The following SAMMSON variants were observed in gnomAD, a reference collection of about 807,000 sequenced individuals.
The protein encoded by SAMMSON is survival associated mitochondrial melanoma specific oncogenic non-coding RNA.
intron 4 of SAMMSON, among the ~76,000 whole-genome samples, chr3:70,198,232 G>A (rs1013828170): frequency 1.3e-5 from 2 of 152,042 alleles, no homozygotes; most frequent in African/African-American, 2.4e-5. Context: ...TCCTCTAGAT[G>A]GGCTTATCAA....
At chr3:70,036,441 T>C (rs530681202) in intron 3 of SAMMSON, among the ~76,000 whole-genome samples, 2 of 152,284 alleles carry the variant, frequency 1.3e-5, no homozygotes, top group East Asian at 3.9e-4. Flanking sequence ...ATGAAGGCTT[T>C]TGTTCTCATT....
chr3:70,066,522 C>T (rs2067210957), intron 3 of SAMMSON, among the ~76,000 whole-genome samples: 1 of 152,056 alleles, frequency 6.6e-6, no homozygotes, highest in Non-Finnish European at 1.5e-5. Flanking sequence ...TGCTAATATT[C>T]CATCCTGCTC....
chr3:70,068,547 G>A (rs2067218566), intron 3 of SAMMSON: 1 of 152,050 alleles, frequency 6.6e-6, no homozygotes, highest in Non-Finnish European at 1.5e-5. Flanking sequence ...TACCAAAATT[G>A]TACATAACTT....
chr3:70,374,547 G>A (rs772568216), intron 9 of SAMMSON, among the ~76,000 whole-genome samples: 48 of 152,104 alleles, frequency 3.2e-4, no homozygotes, highest in Admixed American at 2.6e-4. Context: ...GGTGGGAGTG[G>A]CATTTTTGGT....
intron 2 of SAMMSON, among the ~76,000 whole-genome samples, chr3:70,419,391 T>C (rs1021462818): frequency 6.6e-6 from 1 of 152,082 alleles, no homozygotes. Flanking sequence ...ATGTTATGCA[T>C]GGGGGGAAGA....
chr3:70,250,632 C>CA (rs1257752340), intron 6 of SAMMSON, among the ~76,000 whole-genome samples: 1 of 152,154 alleles, frequency 6.6e-6, no homozygotes, highest in East Asian at 1.9e-4. Flanking sequence ...TGTGTAATTT[C>CA]AAATTACGCT....
At chr3:70,300,338 A>G (rs1428274337) in intron 7 of SAMMSON, among the ~76,000 whole-genome samples, 2 of 152,058 alleles carry the variant, frequency 1.3e-5, no homozygotes, top group Non-Finnish European at 2.9e-5. Flanking sequence ...TTCTCTTACA[A>G]CATTATACAG....
chr3:70,366,492 G>GTTTTTTTTTTTTTTTTTTTTTTTTGT, intron 9 of SAMMSON, among the ~76,000 whole-genome samples: 1 of 100,760 alleles, frequency 9.9e-6, no homozygotes, highest in African/African-American at 3.6e-5. Flanking sequence ...GTGTTTTTAT[G>GTTTTTTTTTTTTTTTTTTTTTTTTGT]TTTTTTTTTT....
intron 2 of SAMMSON, among the ~76,000 whole-genome samples, chr3:70,423,977 G>A (rs1559586708): frequency 6.6e-6 from 1 of 152,196 alleles, no homozygotes; most frequent in Non-Finnish European, 1.5e-5. Flanking sequence ...TTGGTCTATT[G>A]TCTAGGTGAT....
At chr3:70,165,696 G>T (rs1431807417) in intron 4 of SAMMSON, among the ~76,000 whole-genome samples, 1 of 151,912 alleles carries the variant, frequency 6.6e-6, no homozygotes, top group Non-Finnish European at 1.5e-5. Flanking sequence ...TTTCTACCAA[G>T]GATCAGAAGT....
At chr3:70,023,577 T>G (rs1405899789) in intron 3 of SAMMSON, among the ~76,000 whole-genome samples, 2 of 152,152 alleles carry the variant, frequency 1.3e-5, no homozygotes, top group African/African-American at 4.8e-5. Context: ...CTGTTCAAAA[T>G]TAACATCTGG....
At chr3:70,417,791 T>A (rs760532960) in intron 2 of SAMMSON, among the ~76,000 whole-genome samples, 6 of 152,122 alleles carry the variant, frequency 3.9e-5, no homozygotes, top group Non-Finnish European at 8.8e-5. Flanking sequence ...TCTGATTGGC[T>A]CTTCTTGATC....
At chr3:70,400,401 T>G (rs2106762577) in intron 2 of SAMMSON, among the ~76,000 whole-genome samples, 1 of 152,166 alleles carries the variant, frequency 6.6e-6, no homozygotes, top group African/African-American at 2.4e-5. Flanking sequence ...AAAGATCTGG[T>G]TTCGTTGGGT....
At chr3:70,129,951 C>G (rs568977326) in intron 4 of SAMMSON, among the ~76,000 whole-genome samples, 1 of 152,126 alleles carries the variant, frequency 6.6e-6, no homozygotes, top group Non-Finnish European at 1.5e-5. Context: ...TTACTATACT[C>G]GAGCAAATTA....
chr3:70,426,332 A>T (rs1429216511), intron 2 of SAMMSON, among the ~76,000 whole-genome samples: 1 of 152,240 alleles, frequency 6.6e-6, no homozygotes, highest in Non-Finnish European at 1.5e-5. Context: ...TTCATTAGAA[A>T]CAATAGTATA....
chr3:70,221,861 C>T (rs72941599), intron 4 of SAMMSON, among the ~76,000 whole-genome samples: 2,033 of 152,130 alleles, frequency 0.013, 41 homozygotes, highest in African/African-American at 0.045. Flanking sequence ...GAGGTTTTGT[C>T]GTTACTTTCA....
intron 3 of SAMMSON, among the ~76,000 whole-genome samples, chr3:70,023,276 G>A (rs1204698015): frequency 2.6e-5 from 4 of 151,666 alleles, no homozygotes; most frequent in East Asian, 1.9e-4. Flanking sequence ...CTAACAAAGC[G>A]AAACCCCGTC....
At position 70,300,075 on chromosome 3, in the gene SAMMSON, A is replaced by G. The variant is rs1470378580; in HGVS notation, n.739+8832A>G. On this transcript the variant is annotated intron_variant and non_coding_transcript_variant, in intron 7 of 9. Coordinates refer to ENST00000642114, the Ensembl canonical transcript of SAMMSON. ...CTACCCATGATTTATAGCCCAGCCA[A>G]ATTCCCCATTTTTCAGAATTCTAGA... Among the ~76,000 whole-genome samples, 5 of 152,090 alleles carry G rather than the reference A, an allele frequency of 3.3e-5. No homozygotes were observed. In the East Asian group the frequency reaches 9.7e-4, roughly 29 times the overall value.
intron 9 of SAMMSON, among the ~76,000 whole-genome samples, chr3:70,374,987 T>C (rs755549821): frequency 6.6e-6 from 1 of 152,250 alleles, no homozygotes; most frequent in South Asian, 2.1e-4. Context: ...CTGATACATA[T>C]GAGGCTAAAA....
Sources: gnomAD v4.1 joint callset for allele counts (sites outside exome capture counted in the v4.1 genomes callset) on GRCh38, gnomAD v4.1.1 for gene constraint, MANE v1.5 for transcripts, NCBI Gene and HGNC (gene_info 2026-07-23, HGNC 2026-07-21) for gene names.